HSD17B3: variants seen among roughly 807,000 people sequenced by gnomAD.
The protein encoded by HSD17B3 is 17-beta-hydroxysteroid dehydrogenase type 3.
A neutral mutation model predicts 41.1 loss-of-function variants in HSD17B3; 29 were observed. The ratio of observed to expected loss-of-function variants is 0.71; its 90% CI spans 0.53 to 0.96. The LOEUF is 0.96. Among genes scored for constraint, HSD17B3 ranks in the 40% least tolerant of loss-of-function variants. HSD17B3 has a pLI of 0.00. For synonymous variants in HSD17B3, 126 were observed against 145.6 expected, an observed-to-expected ratio of 0.87 and a Z score of 0.97; for missense variants, 323 against 374.6, an observed-to-expected ratio of 0.86 and a Z score of 1.14.
In HSD17B3 at chr9:96,263,483, C is replaced by T. The variant is rs539389499; in HGVS notation, c.202-8540G>A. Among the ~76,000 whole-genome samples the T allele has an allele frequency of 4.6e-5, 7 of 151,478 alleles. No individual in the cohort carries two copies. In the East Asian group the frequency reaches 7.8e-4, roughly 17 times the overall value. On this transcript the variant is annotated intron_variant, in intron 2 of 10. Transcript: ENST00000375263. ...CTGTAATCCCAGCACTTTGGGAGGC[C>T]GAAGCGGGTGGATCACGAGGTCAAG...
intron 2 of HSD17B3, among the ~76,000 whole-genome samples, chr9:96,287,709 C>CTAAATAAA (rs201845606): frequency 2.9e-4 from 44 of 151,446 alleles, no homozygotes; most frequent in African/African-American, 9.2e-4. Context: ...GACTCCGTCT[C>CTAAATAAA]TAAATAAATA....
chr9:96,265,935 A>G (rs931772063), intron 2 of HSD17B3, among the ~76,000 whole-genome samples: 2 of 152,226 alleles, frequency 1.3e-5, no homozygotes, highest in Non-Finnish European at 2.9e-5. Flanking sequence ...TCTAAGGGCC[A>G]TGTCTAAACA....
intron 2 of HSD17B3, among the ~76,000 whole-genome samples, chr9:96,281,009 G>A (rs1028381118): frequency 1.3e-5 from 2 of 152,040 alleles, no homozygotes; most frequent in African/African-American, 4.8e-5. Context: ...GGCAACCCGA[G>A]GGCTGCTCTG....
intron 2 of HSD17B3, among the ~76,000 whole-genome samples, chr9:96,282,523 G>A (rs913821494): frequency 6.6e-6 from 1 of 151,928 alleles, no homozygotes; most frequent in Non-Finnish European, 1.5e-5. Context: ...ACCTACTTTG[G>A]CGCATTAGTT....
intron 2 of HSD17B3, among the ~76,000 whole-genome samples, chr9:96,272,809 C>T (rs894698429): frequency 3.3e-5 from 5 of 151,944 alleles, no homozygotes; most frequent in South Asian, 2.1e-4. Context: ...TGGAAATAGC[C>T]GGGATGTCCT....
chr9:96,242,039 A>T (rs976241575), intron 9 of HSD17B3, among the ~76,000 whole-genome samples: 1 of 151,620 alleles, frequency 6.6e-6, no homozygotes, highest in Non-Finnish European at 1.5e-5. Flanking sequence ...AAGTAAAAAA[A>T]AAAATCCACA....
At chr9:96,245,949 A>C (rs1027209291) in intron 7 of HSD17B3, among the ~76,000 whole-genome samples, 1 of 152,206 alleles carries the variant, frequency 6.6e-6, no homozygotes, top group African/African-American at 2.4e-5. Flanking sequence ...TTTGAAATTT[A>C]ATATTCTTAA....
intron 3 of HSD17B3, 40 bp downstream of exon 3, chr9:96,254,828 G>A: frequency 6.4e-7 from 1 of 1,553,368 alleles, no homozygotes; most frequent in Non-Finnish European, 8.9e-7. Flanking sequence ...CTTGGTTGGA[G>A]GGCTCCACAC....
Position 96,245,336 on chromosome 9 carries a change from A to T in HSD17B3, c.606+9T>A. ...AAGGAAGAGACTTGGAAGTCATGAC[A>T]TCACTCACCTTGGAAGCTGAGTACA... On this transcript the variant is annotated intron_variant, in intron 8 of 10. Transcript: ENST00000375263. 1 of 1,598,848 alleles carries T rather than the reference A, an allele frequency of 6.3e-7. No homozygotes were observed. The highest frequency in any genetic ancestry group is 1.1e-5 in the South Asian group (1 of 90,808).
chr9:96,255,886 G>T (rs1184528741), intron 2 of HSD17B3, among the ~76,000 whole-genome samples: 1 of 152,218 alleles, frequency 6.6e-6, no homozygotes, highest in East Asian at 1.9e-4. Context: ...GGACTCCAGA[G>T]GGCTGCGTGA....
intron 7 of HSD17B3, chr9:96,246,315 C>T (rs1247826228): frequency 2.0e-5 from 12 of 599,196 alleles, no homozygotes; most frequent in Non-Finnish European, 3.6e-5. Context: ...CTGAAACTGC[C>T]GTTCTCTTCC....
intron 2 of HSD17B3, among the ~76,000 whole-genome samples, chr9:96,272,446 T>A (rs543614998): frequency 0.018 from 1,517 of 85,540 alleles, 40 homozygotes; most frequent in East Asian, 0.052. Flanking sequence ...TATATATATA[T>A]AAAATATATA....
chr9:96,301,314 C>T (rs1207063179), intron 1 of HSD17B3, among the ~76,000 whole-genome samples: 1 of 151,620 alleles, frequency 6.6e-6, no homozygotes, highest in African/African-American at 2.4e-5. Context: ...TGCGGTGGCT[C>T]ACGCCTGTCA....
chr9:96,250,039 T>A, intron 5 of HSD17B3: 1 of 1,426,514 alleles, frequency 7.0e-7, no homozygotes, highest in Admixed American at 2.8e-5. Flanking sequence ...CCTGGAAAAC[T>A]CGGAACTATA....
intron 2 of HSD17B3, among the ~76,000 whole-genome samples, chr9:96,287,691 G>C (rs10990246): frequency 0.48 from 72,729 of 151,408 alleles, 18,295 homozygotes; most frequent in East Asian, 0.66. Context: ...GCCTGGGCAA[G>C]AGAGCGAGAC....
At chr9:96,245,464 G>A in intron 7 of HSD17B3, 38 bp from the exon 8 acceptor site, 1 of 1,488,476 alleles carries the variant, frequency 6.7e-7, no homozygotes, top group South Asian at 1.1e-5. Context: ...TGGCTTTGTT[G>A]CCCTACCTGA....
chr9:96,294,074 A>C (rs888421873), intron 2 of HSD17B3, among the ~76,000 whole-genome samples: 1 of 152,180 alleles, frequency 6.6e-6, no homozygotes, highest in African/African-American at 2.4e-5. Flanking sequence ...AGCCTACATG[A>C]AGGAGAGGTT....
At chr9:96,271,986 C>T (rs1826259375) in intron 2 of HSD17B3, among the ~76,000 whole-genome samples, 1 of 151,950 alleles carries the variant, frequency 6.6e-6, no homozygotes, top group Non-Finnish European at 1.5e-5. Context: ...TAATTTTATA[C>T]CCCCATTACT....
At chr9:96,259,282 T>A (rs1230499367) in intron 2 of HSD17B3, among the ~76,000 whole-genome samples, 1 of 152,136 alleles carries the variant, frequency 6.6e-6, no homozygotes, top group Non-Finnish European at 1.5e-5. Flanking sequence ...CAGGATCTTA[T>A]GTTTATTCAC....
Sources: gnomAD v4.1 joint callset for allele counts (sites outside exome capture counted in the v4.1 genomes callset) on GRCh38, gnomAD v4.1.1 for gene constraint, MANE v1.5 for transcripts, NCBI Gene and HGNC (gene_info 2026-07-23, HGNC 2026-07-21) for gene names.